Variants in CWC25 observed in about 807,000 individuals in gnomAD.
CWC25 encodes CWC25 spliceosome associated protein, also known as pre-mRNA-splicing factor CWC25 homolog.
In CWC25, 31 loss-of-function variants were observed where a neutral mutation model predicts 54.6. That is an observed-to-expected ratio of 0.57 (90% CI 0.43 to 0.77). The LOEUF is 0.77. CWC25 is among the 30% of genes least tolerant of loss of function. The probability of loss-of-function intolerance (pLI) is 0.00; values close to 1 mark genes in which losing one functional copy is unlikely to be tolerated. For synonymous variants in CWC25, 151 were observed against 187.0 expected (o/e 0.81, Z 1.57); for missense variants, 453 against 529.3 (o/e 0.86, Z 1.41).
chr17:38,803,868 C>T (rs1339414990), intron 8 of CWC25, among the ~76,000 whole-genome samples: 1 of 151,712 alleles, frequency 6.6e-6, no homozygotes, highest in Non-Finnish European at 1.5e-5. Flanking sequence ...TGAGACCTCC[C>T]ATCTCTGCAA....
chr17:38,822,734 G>A (rs891043083), intron 1 of CWC25, among the ~76,000 whole-genome samples: 3 of 152,158 alleles, frequency 2.0e-5, no homozygotes, highest in Non-Finnish European at 1.5e-5. Context: ...TGTGGCTGGA[G>A]ATGTGGCAAG....
At position 38,802,856 on chromosome 17, in the gene CWC25, A is replaced by G. The variant is rs759052233; in HGVS notation, c.1007T>C (p.Leu336Pro). ...RRHAPGYTRK[L>P]SAEELERKRQ... ...TTTTCGCTCTAATTCCTCTGCAGAG[A>G]GTTTTCTGTTGAGCACAGAAACCAT... is the stretch of plus-strand genomic sequence containing the variant. Residue 336 changes from leucine to proline, a missense_variant, in exon 9 of 10, where the codon CTC (leucine) becomes CCC (proline). This residue lies in a region of CWC25 where 444 missense variants were observed against 499.2 expected (regional missense o/e 0.89). Transcript: ENST00000614790. 2.5e-6 allele frequency: 4 copies of G among 1,613,710 alleles called. No homozygotes were observed. The highest frequency in any genetic ancestry group is 1.7e-5 in the Admixed American group (1 of 59,960).
chr17:38,809,649 T>C, intron 6 of CWC25, 53 bp downstream of exon 6: 2 of 1,559,172 alleles, frequency 1.3e-6, no homozygotes, highest in Non-Finnish European at 1.8e-6. Flanking sequence ...ATTGTCCAAG[T>C]GGCACATCCC....
chr17:38,821,827 T>C (rs1166134001), intron 1 of CWC25, among the ~76,000 whole-genome samples: 3 of 150,898 alleles, frequency 2.0e-5, no homozygotes, highest in African/African-American at 4.9e-5. Flanking sequence ...CAGGCTGGAG[T>C]GCAGCTATCT....
intron 4 of CWC25, 103 bp from the exon 5 acceptor site, chr17:38,810,698 TC>T: frequency 1.4e-6 from 1 of 703,614 alleles, no homozygotes; most frequent in Non-Finnish European, 2.6e-6. Context: ...GTGGAGCAGA[TC>T]ATCACTTGAG....
chr17:38,818,891 T>C (rs894848328), intron 2 of CWC25, among the ~76,000 whole-genome samples: 3 of 152,120 alleles, frequency 2.0e-5, no homozygotes, highest in African/African-American at 7.2e-5. Context: ...AAAGCCCAAA[T>C]TTCTGATAAA....
chr17:38,819,919 G>A (rs745790506), intron 2 of CWC25, among the ~76,000 whole-genome samples: 1 of 152,020 alleles, frequency 6.6e-6, no homozygotes, highest in African/African-American at 2.4e-5. Context: ...TGATCTGCCC[G>A]CCTCGGCCTT....
At position 38,806,888 on chromosome 17, in the gene CWC25, G is replaced by A. The variant is rs775578763; in HGVS notation, c.779C>T (p.Ser260Phe). 4 of 1,613,956 alleles carry A rather than the reference G, an allele frequency of 2.5e-6. No individual in the cohort carries two copies. Among genetic ancestry groups the A allele is most frequent in the Non-Finnish European group, 2.5e-6 (3 of 1,179,886 alleles). Residue 260 changes from serine (S) to phenylalanine (F), a missense_variant, in exon 7 of 10, where the codon TCC becomes TTC. This residue lies in a region of CWC25 where 444 missense variants were observed against 499.2 expected (regional missense o/e 0.89). Transcript: ENST00000614790. ...TGGGGGTGAGTGGGAGGAGCTTCTG[G>A]ATCTGGAATGGTTCTTCATCCCATG... is the stretch of plus-strand genomic sequence containing the variant. ...RGHGMKNHSR[S>F]RSSSHSPPRH...
intron 1 of CWC25, among the ~76,000 whole-genome samples, chr17:38,821,283 G>A (rs963100966): frequency 6.6e-6 from 1 of 152,092 alleles, no homozygotes; most frequent in Non-Finnish European, 1.5e-5. Context: ...AGGACAGGTC[G>A]GGCGCAGTGG....
At chr17:38,813,308 C>G (rs993771202) in intron 3 of CWC25, among the ~76,000 whole-genome samples, 7 of 149,964 alleles carry the variant, frequency 4.7e-5, no homozygotes, top group African/African-American at 1.2e-4. Context: ...CCAAAAAAAA[C>G]AAAACAAAAA....
chr17:38,819,630 C>T (rs533773541), intron 2 of CWC25, among the ~76,000 whole-genome samples: 21 of 151,818 alleles, frequency 1.4e-4, no homozygotes, highest in Non-Finnish European at 2.6e-4. Context: ...CCTCGGCCTC[C>T]CAAAGTGCTA....
At chr17:38,807,050 AG>A in intron 6 of CWC25, 74 bp from the exon 7 acceptor site, 1 of 1,218,978 alleles carries the variant, frequency 8.2e-7, no homozygotes, top group Non-Finnish European at 1.2e-6. Context: ...GGCCGGGCTC[AG>A]TGGCTCACGC....
chr17:38,812,769 T>C, intron 4 of CWC25, 26 bp downstream of exon 4: 1 of 1,290,970 alleles, frequency 7.7e-7, no homozygotes, highest in Non-Finnish European at 1.1e-6. Flanking sequence ...AAGATGCTCT[T>C]GGTGCTTATC....
At chr17:38,815,562 A>G in intron 2 of CWC25, 1 of 745,796 alleles carries the variant, frequency 1.3e-6, no homozygotes, top group South Asian at 1.4e-5. Context: ...AAATAAATAA[A>G]TAAATAAATG....
At chr17:38,802,616 A>G (rs1356826768) in intron 9 of CWC25, 84 bp downstream of exon 9, 1 of 1,516,766 alleles carries the variant, frequency 6.6e-7, no homozygotes, top group Non-Finnish European at 9.0e-7. Context: ...GCAAACACAG[A>G]AACACTGGAA....
At chr17:38,820,226 G>C (rs562346720) in intron 2 of CWC25, among the ~76,000 whole-genome samples, 25 of 152,276 alleles carry the variant, frequency 1.6e-4, no homozygotes, top group African/African-American at 6.0e-4. Context: ...ACCGCACCTA[G>C]TCCCCAGTTT....
At chr17:38,809,845 C>T in intron 5 of CWC25, 80 bp from the exon 6 acceptor site, 2 of 1,310,442 alleles carry the variant, frequency 1.5e-6, no homozygotes, top group Non-Finnish European at 2.1e-6. Flanking sequence ...CTGAACTATG[C>T]TTCTTGCCTC....
intron 8 of CWC25, 79 bp from the exon 9 acceptor site, chr17:38,802,940 G>A (rs1911090623): frequency 1.3e-6 from 2 of 1,552,390 alleles, no homozygotes; most frequent in Admixed American, 1.7e-5. Context: ...CAGAAGCCAG[G>A]TGGGACCCCA....
intron 2 of CWC25, among the ~76,000 whole-genome samples, chr17:38,817,742 G>A (rs191822128): frequency 2.6e-5 from 4 of 151,972 alleles, no homozygotes; most frequent in African/African-American, 7.2e-5. Flanking sequence ...AGCCGAGATC[G>A]CACCACTGCA....
Sources: allele counts gnomAD v4.1 joint callset (sites outside exome capture counted in the v4.1 genomes callset), GRCh38; gene constraint gnomAD v4.1.1; regional missense constraint gnomAD v4.1.1; transcripts MANE v1.5; gene names NCBI Gene and HGNC (gene_info 2026-07-23, HGNC 2026-07-21).